Variants in PAM observed in about 807,000 individuals in gnomAD.
PAM encodes peptidylglycine alpha-amidating monooxygenase.
Under a neutral mutation model 122.1 loss-of-function variants are expected in PAM, and 72 were observed. That is an observed-to-expected ratio of 0.59 (90% CI 0.49 to 0.72). PAM has a LOEUF of 0.72. Ranked by LOEUF, PAM falls within the 30% of genes least tolerant of loss-of-function variation. The pLI is 0.00. For missense variants in PAM, 1,106 were observed against 1,183.7 expected, an observed-to-expected ratio of 0.93 and a Z score of 0.96; for synonymous variants, 389 against 404.4, an observed-to-expected ratio of 0.96 and a Z score of 0.46.
chr5:102,841,786 C>T (rs940487247), intron 1 of PAM, among the ~76,000 whole-genome samples: 2 of 151,986 alleles, frequency 1.3e-5, no homozygotes, highest in Admixed American at 1.3e-4. Context: ...TAATAGTAAG[C>T]AACAAAATAC....
chr5:103,001,512 A>AT (rs1337861150), intron 16 of PAM, among the ~76,000 whole-genome samples: 1 of 152,116 alleles, frequency 6.6e-6, no homozygotes, highest in Non-Finnish European at 1.5e-5. Context: ...ATATAATAGC[A>AT]TATATAAAGA....
At chr5:102,975,085 G>T (rs996871772) in intron 15 of PAM, among the ~76,000 whole-genome samples, 3 of 152,106 alleles carry the variant, frequency 2.0e-5, no homozygotes, top group African/African-American at 7.2e-5. Flanking sequence ...TTCCCTTCAG[G>T]TTTCCGTACC....
intron 1 of PAM, among the ~76,000 whole-genome samples, chr5:102,767,926 A>C (rs1304419586): frequency 6.6e-6 from 1 of 152,130 alleles, no homozygotes; most frequent in Non-Finnish European, 1.5e-5. Flanking sequence ...TATAGGTTGT[A>C]AGTGCTGGGA....
intron 1 of PAM, among the ~76,000 whole-genome samples, chr5:102,832,222 C>T (rs1255202386): frequency 6.6e-6 from 1 of 152,050 alleles, no homozygotes; most frequent in East Asian, 1.9e-4. Context: ...AAAAATAAAG[C>T]TATAATATTA....
chr5:102,881,382 T>TA (rs1367242041), intron 3 of PAM, among the ~76,000 whole-genome samples: 1 of 152,068 alleles, frequency 6.6e-6, no homozygotes, highest in East Asian at 1.9e-4. Flanking sequence ...TATTTTTTTT[T>TA]ACCCATTAAT....
chr5:102,894,764 A>T (rs376059196), intron 3 of PAM, among the ~76,000 whole-genome samples: 10 of 151,658 alleles, frequency 6.6e-5, no homozygotes, highest in African/African-American at 2.4e-4. Flanking sequence ...TCACCAATAC[A>T]TTCAGTTATG....
Position 103,009,876 on chromosome 5 carries a change from CA to C in PAM, c.2331+11del, listed in dbSNP as rs1165049855. The C allele has an allele frequency of 2.1e-6, 3 of 1,400,042 alleles. No individual in the cohort carries two copies. The highest frequency in any genetic ancestry group is 3.0e-6 in the Non-Finnish European group (3 of 1,001,116). The allele number at this position is 1,400,042 out of a possible 1,614,324, so 86.7% of individuals were successfully genotyped here. A position where few individuals can be genotyped will look rare whatever the true frequency, so the allele number is the denominator to read the frequency against. ...CAAGCCAGTGCGCAAGGTATTTACA[CA>C]CATTGTCTAGGTTTCAATTTTCATG... On this transcript the variant is annotated intron_variant, in intron 21 of 25. Transcript: ENST00000438793.
At chr5:102,845,139 C>G (rs1779658400) in intron 1 of PAM, among the ~76,000 whole-genome samples, 1 of 152,210 alleles carries the variant, frequency 6.6e-6, no homozygotes, top group Admixed American at 6.5e-5. Context: ...GTCCGTGGGC[C>G]ACACATTGAG....
chr5:102,950,033 A>G (rs1758284500), intron 11 of PAM, 55 bp downstream of exon 11: 1 of 895,272 alleles, frequency 1.1e-6, no homozygotes, highest in Non-Finnish European at 1.8e-6. Flanking sequence ...AGCAGAAAGT[A>G]ATTTTTAAAA....
intron 1 of PAM, among the ~76,000 whole-genome samples, chr5:102,781,586 G>A (rs2458657): frequency 0.43 from 64,893 of 151,968 alleles, 14,698 homozygotes; most frequent in African/African-American, 0.58. Flanking sequence ...TTACCACATT[G>A]CAGTGCTGCT....
chr5:102,906,781 A>C (rs1474993165), intron 4 of PAM, among the ~76,000 whole-genome samples: 1 of 151,696 alleles, frequency 6.6e-6, no homozygotes, highest in Non-Finnish European at 1.5e-5. Context: ...AGATTGCCAT[A>C]TTGGAAATGT....
chr5:102,866,204 C>A lies in PAM; in HGVS notation c.9C>A (p.Gly3=), dbSNP rs761540432. The A allele has an allele frequency of 6.2e-7, 1 of 1,610,848 alleles. No individual in the cohort carries two copies. Among genetic ancestry groups the A allele is most frequent in the East Asian group, 2.2e-5 (1 of 44,856 alleles). The stretch of plus-strand genomic sequence containing the variant: ...GTCGTATCGGCGTGGACATGGCTGG[C>A]CGCGTCCCTAGCCTGCTAGTTCTCC... MA[G]RVPSLLVLLV... Residue 3 remains glycine (G), a synonymous_variant, in exon 2 of 26, where the codon GGC becomes GGA. Coordinates refer to ENST00000438793, the MANE Select transcript of PAM (RefSeq NM_001177306.2).
intron 16 of PAM, among the ~76,000 whole-genome samples, chr5:102,995,687 C>G (rs1257182379): frequency 6.6e-6 from 1 of 151,982 alleles, no homozygotes; most frequent in Non-Finnish European, 1.5e-5. Context: ...ATGTATGATA[C>G]CTAGTTCTTT....
At chr5:102,809,793 A>G (rs1303000505) in intron 1 of PAM, among the ~76,000 whole-genome samples, 1 of 152,228 alleles carries the variant, frequency 6.6e-6, no homozygotes, top group Non-Finnish European at 1.5e-5. Flanking sequence ...GATATGTCTT[A>G]TCTTAAATAT....
At chr5:103,021,217 T>C (rs990491868) in intron 23 of PAM, among the ~76,000 whole-genome samples, 1 of 152,120 alleles carries the variant, frequency 6.6e-6, no homozygotes, top group African/African-American at 2.4e-5. Context: ...TAAACCAAAA[T>C]CTATTTGGTA....
At chr5:102,792,830 A>T (rs559295081) in intron 1 of PAM, among the ~76,000 whole-genome samples, 1 of 152,310 alleles carries the variant, frequency 6.6e-6, no homozygotes, top group Non-Finnish European at 1.5e-5. Context: ...ACTGGCTGAC[A>T]CTTTGATTAT....
chr5:102,860,930 A>G (rs1394369245), intron 1 of PAM, among the ~76,000 whole-genome samples: 2 of 152,068 alleles, frequency 1.3e-5, no homozygotes, highest in Non-Finnish European at 1.5e-5. Flanking sequence ...CTTCTCCTTC[A>G]GTGGGTGGGG....
At chr5:102,840,681 C>T (rs1430654415) in intron 1 of PAM, among the ~76,000 whole-genome samples, 1 of 152,158 alleles carries the variant, frequency 6.6e-6, no homozygotes, top group East Asian at 1.9e-4. Flanking sequence ...CTTCTTGCAG[C>T]TCATCACTCG....
intron 14 of PAM, among the ~76,000 whole-genome samples, chr5:102,965,384 CAA>C (rs1246444322): frequency 6.6e-6 from 1 of 151,336 alleles, no homozygotes; most frequent in Non-Finnish European, 1.5e-5. Flanking sequence ...TAGATGGAAG[CAA>C]AAGTCTACAC....
Sources: allele counts gnomAD v4.1 joint callset (sites outside exome capture counted in the v4.1 genomes callset), GRCh38; gene constraint gnomAD v4.1.1; transcripts MANE v1.5; gene names NCBI Gene and HGNC (gene_info 2026-07-23, HGNC 2026-07-21).